Variants in ZNF37A observed in about 807,000 individuals in gnomAD.
The protein encoded by ZNF37A is zinc finger protein 37a (KOX 21).
ZNF37A carries 10 observed loss-of-function variants against 12.3 expected under a neutral mutation model. The ratio of observed to expected loss-of-function variants is 0.82; its 90% CI spans 0.50 to 1.38. The LOEUF (loss-of-function observed/expected upper bound fraction) is 1.38. Among genes scored for constraint, ZNF37A ranks in the 40% most tolerant of loss-of-function variants. The pLI is 0.00. For synonymous variants in ZNF37A, 207 were observed against 223.0 expected (o/e 0.93, Z 0.64); for missense variants, 580 against 651.2 (o/e 0.89, Z 1.19).
chr10:38,132,885 C>CTAT (rs2070050952), intron 7 of ZNF37A, among the ~76,000 whole-genome samples: 1 of 151,682 alleles, frequency 6.6e-6, no homozygotes, highest in Non-Finnish European at 1.5e-5. Context: ...AAGTCACCAG[C>CTAT]TATTATCATA....
chr10:38,144,390 T>C (rs1331003643), intron 7 of ZNF37A: 1 of 152,224 alleles, frequency 6.6e-6, no homozygotes, highest in Non-Finnish European at 1.5e-5. Context: ...ATAAACTTAC[T>C]GTCTGTATAT....
chr10:38,126,757 C>G (rs2069934098), downstream of ZNF37A, among the ~76,000 whole-genome samples: 1 of 152,192 alleles, frequency 6.6e-6, no homozygotes, highest in Admixed American at 6.5e-5. Flanking sequence ...CACCGTTTTC[C>G]TCCTCCATCT....
At chr10:38,094,643 C>A (rs1278094964) in intron 1 of ZNF37A, among the ~76,000 whole-genome samples, 153 bp downstream of exon 1, 1 of 152,244 alleles carries the variant, frequency 6.6e-6, no homozygotes, top group Non-Finnish European at 1.5e-5. Context: ...GCGCCTGTGA[C>A]AAGTGAGGTT....
At chr10:38,133,528 A>T (rs902919093) in intron 7 of ZNF37A, among the ~76,000 whole-genome samples, 7 of 130,124 alleles carry the variant, frequency 5.4e-5, no homozygotes, top group Admixed American at 9.9e-5. Flanking sequence ...AAGTGTTCTC[A>T]TTGTTCAATT....
intron 7 of ZNF37A, among the ~76,000 whole-genome samples, chr10:38,146,210 A>G (rs1362340756): frequency 6.6e-6 from 1 of 152,224 alleles, no homozygotes; most frequent in Non-Finnish European, 1.5e-5. Context: ...AGACAGAGCC[A>G]GGCACATTTC....
intron 5 of ZNF37A, among the ~76,000 whole-genome samples, chr10:38,111,793 A>G (rs1259986100): frequency 6.6e-6 from 1 of 152,130 alleles, no homozygotes; most frequent in African/African-American, 2.4e-5. Context: ...TCATCTGGGA[A>G]TGTCCTCATT....
chr10:38,146,920 C>A (rs1590955260), exon 8 of ZNF37A: 1 of 393,978 alleles, frequency 2.5e-6, no homozygotes, highest in Non-Finnish European at 4.5e-6. Flanking sequence ...GTTTGACCCA[C>A]ATGTTTATTG....
At chr10:38,109,113 C>A (rs1262430092) in intron 5 of ZNF37A, among the ~76,000 whole-genome samples, 1 of 152,166 alleles carries the variant, frequency 6.6e-6, no homozygotes, top group Non-Finnish European at 1.5e-5. Context: ...AATCCAGCAG[C>A]GCTTCAAAAA....
At chr10:38,150,203 TCTCA>T (rs2070310623) in exon 8 of ZNF37A, 1 of 151,914 alleles carries the variant, frequency 6.6e-6, no homozygotes, top group Non-Finnish European at 1.5e-5. Context: ...CTTTCCCCAC[TCTCA>T]TTCAGAAGCT....
intron 7 of ZNF37A, among the ~76,000 whole-genome samples, chr10:38,115,859 G>T (rs946474684): frequency 6.6e-6 from 1 of 151,776 alleles, no homozygotes; most frequent in East Asian, 2.0e-4. Context: ...GACCAGCCTG[G>T]GCAAAATAAG....
chr10:38,108,610 GAGA>G (rs1371239162), intron 5 of ZNF37A, among the ~76,000 whole-genome samples: 2 of 152,098 alleles, frequency 1.3e-5, no homozygotes, highest in African/African-American at 4.8e-5. Context: ...GAAGAAAAGA[GAGA>G]AGAATAAAAT....
chr10:38,138,785 T>A (rs774592975), intron 7 of ZNF37A: 1 of 152,152 alleles, frequency 6.6e-6, no homozygotes, highest in Non-Finnish European at 1.5e-5. Context: ...TTTAGAGTCT[T>A]GTCATTAAAT....
chr10:38,117,579 A>G lies in ZNF37A; in HGVS notation c.428A>G (p.Glu143Gly). 6.2e-7 allele frequency: 1 copy of G among 1,613,364 alleles called. No individual in the cohort carries two copies. The highest frequency in any genetic ancestry group is 8.5e-7 in the Non-Finnish European group (1 of 1,179,820). Residue 143 changes from glutamate to glycine, a missense_variant, in exon 8 of 8, where the codon GAA becomes GGA. Glu to Gly is a moderately conservative substitution (Grantham distance 98). Coordinates refer to ENST00000685332, the MANE Select transcript of ZNF37A (RefSeq NM_001324250.3). ...LIWHQKIKNWEQSFEYNECGK... is the reference protein window; with the variant it reads ...LIWHQKIKNWGQSFEYNECGK... ...TGGCATCAGAAAATTAAAAATTGGG[A>G]ACAATCTTTTGAATACAATGAATGT...
intron 7 of ZNF37A, 142 bp from the exon 8 acceptor site, chr10:38,117,248 A>G (rs2069341517): frequency 7.1e-7 from 1 of 1,405,402 alleles, no homozygotes; most frequent in Admixed American, 3.4e-5. Flanking sequence ...AAAGAGGTAT[A>G]AGACTGGAAG....
In ZNF37A at chr10:38,117,972, A is replaced by G. The variant is rs1327292962; in HGVS notation, c.821A>G (p.His274Arg). 5 of 1,614,030 alleles carry G rather than the reference A, an allele frequency of 3.1e-6. No individual in the cohort carries two copies. The highest frequency in any genetic ancestry group is 1.7e-5 in the Admixed American group (1 of 59,994). ...ACAGGAGAAAAACCTTATGAATGTCATGAATGTGGAAAAACCTTCACCCAG... is the reference window on the plus strand; with the variant it reads ...ACAGGAGAAAAACCTTATGAATGTCGTGAATGTGGAAAAACCTTCACCCAG... ...THTGEKPYEC[H>R]ECGKTFTQKS... Residue 274 changes from histidine to arginine, a missense_variant, in exon 8 of 8, where the codon CAT (histidine) becomes CGT (arginine). By Grantham distance (29) the His-to-Arg change is conservative. Transcript: ENST00000685332.
Position 38,117,924 on chromosome 10 carries a change from T to C in ZNF37A, c.773T>C (p.Leu258Pro), listed in dbSNP as rs368194055. The change falls in exon 8 of 8, where the codon CTT (leucine) becomes CCT (proline). Residue 258 changes from leucine to proline, a missense_variant. Physicochemically the swap from Leu to Pro is moderately conservative, Grantham distance 98. Transcript: ENST00000685332. ...CGTFFSEKLV[L>P]HLQQRTHTGE... ...ACATTTTTCAGTGAAAAATTAGTCC[T>C]TCATTTACAACAGAGAACACATACA... 6.2e-7 allele frequency: 1 copy of C among 1,613,908 alleles called. No homozygotes were observed. Among genetic ancestry groups the C allele is most frequent in the East Asian group, 2.2e-5 (1 of 44,876 alleles).
At chr10:38,145,261 A>G (rs2070236934) in intron 7 of ZNF37A, among the ~76,000 whole-genome samples, 1 of 152,222 alleles carries the variant, frequency 6.6e-6, no homozygotes, top group Non-Finnish European at 1.5e-5. Context: ...GGCTATGGAA[A>G]TAGTTTTGAC....
chr10:38,120,393 C>A lies in ZNF37A; in HGVS notation c.*1556C>A, dbSNP rs1359728684. 6.6e-6 allele frequency: 1 copy of A among 151,928 alleles called. No homozygotes were observed. Among genetic ancestry groups the A allele is most frequent in the Non-Finnish European group, 1.5e-5 (1 of 68,062 alleles). The allele number at this position is 151,928 out of a possible 1,614,324, so 9.4% of individuals were successfully genotyped here. ...TCAGTGAGCTGAGATCATGCCACTG[C>A]ACTCCAGCCTGAGTGACAGAGAGAG... On this transcript the variant is annotated 3_prime_UTR_variant, in exon 8 of 8. Coordinates refer to ENST00000685332, the MANE Select transcript of ZNF37A (RefSeq NM_001324250.3).
exon 8 of ZNF37A, chr10:38,147,548 G>A (rs932761398): frequency 6.6e-5 from 10 of 152,130 alleles, no homozygotes; most frequent in Non-Finnish European, 1.2e-4. Flanking sequence ...GTTTTATTTA[G>A]TTTTGTGGAA....
Sources: gnomAD v4.1 joint callset for allele counts (sites outside exome capture counted in the v4.1 genomes callset) on GRCh38, gnomAD v4.1.1 for gene constraint, MANE v1.5 for transcripts, NCBI Gene and HGNC (gene_info 2026-07-23, HGNC 2026-07-21) for gene names.